Variants in NCKAP5 observed in about 807,000 individuals in gnomAD.
The protein encoded by NCKAP5 is nck-associated protein 5.
NCKAP5 carries 92 observed loss-of-function variants against 167.0 expected under a neutral mutation model. The observed-to-expected ratio is 0.55, with a 90% CI of 0.47 to 0.66. The LOEUF (loss-of-function observed/expected upper bound fraction) is 0.66, where lower values mean the gene tolerates loss of function less well. NCKAP5 is among the 30% of genes least tolerant of loss of function. NCKAP5 has a pLI of 0.00. For synonymous variants in NCKAP5, 891 were observed against 877.4 expected (o/e 1.02, Z -0.27); for missense variants, 2,378 against 2,315.0 (o/e 1.03, Z -0.56).
chr2:133,416,442 C>T (rs900783975), intron 3 of NCKAP5, among the ~76,000 whole-genome samples: 5 of 152,138 alleles, frequency 3.3e-5, no homozygotes, highest in African/African-American at 1.2e-4. Flanking sequence ...AAACTACCTT[C>T]ATGATTTCTG....
chr2:133,148,420 C>T (rs554071637), intron 5 of NCKAP5, among the ~76,000 whole-genome samples: 6 of 152,098 alleles, frequency 3.9e-5, no homozygotes, highest in Non-Finnish European at 8.8e-5. Flanking sequence ...TTACACATTT[C>T]ACACTCTTAA....
chr2:133,555,008 C>T (rs1687637477), intron 2 of NCKAP5, among the ~76,000 whole-genome samples: 1 of 152,060 alleles, frequency 6.6e-6, no homozygotes, highest in Admixed American at 6.6e-5. Flanking sequence ...GTTATTTGGC[C>T]ACCTCCCTGT....
chr2:133,637,476 C>CAAAAAAAAAAAAAAAAAAAAAA, the NCKAP5 span, among the ~76,000 whole-genome samples: 7 of 31,668 alleles, frequency 2.2e-4, no homozygotes, highest in African/African-American at 1.1e-3. Flanking sequence ...TGGTATTTTC[C>CAAAAAAAAAAAAAAAAAAAAAA]AAAAAAAAAA....
At chr2:133,372,275 T>C (rs1216122916) in intron 3 of NCKAP5, among the ~76,000 whole-genome samples, 1 of 152,146 alleles carries the variant, frequency 6.6e-6, no homozygotes, top group African/African-American at 2.4e-5. Context: ...GGGTCTGCCT[T>C]GAAGGTTTCA....
chr2:132,953,379 A>G (rs939149812), intron 8 of NCKAP5, among the ~76,000 whole-genome samples: 4 of 152,194 alleles, frequency 2.6e-5, no homozygotes, highest in Non-Finnish European at 5.9e-5. Flanking sequence ...TCCAAAACTA[A>G]TTCAGTTAGA....
At chr2:133,334,580 T>G (rs978501600) in intron 3 of NCKAP5, among the ~76,000 whole-genome samples, 4 of 152,172 alleles carry the variant, frequency 2.6e-5, no homozygotes, top group African/African-American at 4.8e-5. Flanking sequence ...TCATGCTCCT[T>G]CTGTCCCTCA....
chr2:133,613,948 A>T, the NCKAP5 span, among the ~76,000 whole-genome samples: 1 of 152,172 alleles, frequency 6.6e-6, no homozygotes, highest in Non-Finnish European at 1.5e-5. Context: ...GAGAGCATTC[A>T]AAGAATCTTC....
At chr2:132,873,744 G>A (rs1370313328) in intron 9 of NCKAP5, among the ~76,000 whole-genome samples, 3 of 152,090 alleles carry the variant, frequency 2.0e-5, no homozygotes, top group East Asian at 3.9e-4. Flanking sequence ...ATTAATCTTT[G>A]GATTATTACT....
chr2:133,442,097 G>A (rs1690896268), intron 3 of NCKAP5, among the ~76,000 whole-genome samples: 3 of 152,190 alleles, frequency 2.0e-5, no homozygotes, highest in Admixed American at 6.5e-5. Flanking sequence ...AGAACAGCAA[G>A]TTGCCAGAGG....
intron 2 of NCKAP5, among the ~76,000 whole-genome samples, chr2:133,532,498 T>C (rs1433895906): frequency 2.0e-5 from 3 of 152,162 alleles, no homozygotes; most frequent in Non-Finnish European, 4.4e-5. Context: ...TTATTGAAAA[T>C]AAATGCTCGG....
chr2:133,036,341 C>T (rs578163330), intron 6 of NCKAP5, among the ~76,000 whole-genome samples: 13 of 151,986 alleles, frequency 8.6e-5, no homozygotes, highest in Non-Finnish European at 1.5e-4. Context: ...GTATTACCCT[C>T]ATACAAAAAC....
At chr2:133,307,851 AT>A (rs761968784) in intron 3 of NCKAP5, among the ~76,000 whole-genome samples, 4 of 152,174 alleles carry the variant, frequency 2.6e-5, no homozygotes, top group African/African-American at 7.2e-5. Context: ...GAATAAAAAA[AT>A]ATGGAATTCA....
intron 4 of NCKAP5, among the ~76,000 whole-genome samples, chr2:133,229,513 T>C (rs1159882592): frequency 2.0e-5 from 3 of 152,228 alleles, no homozygotes; most frequent in African/African-American, 4.8e-5. Context: ...ATAATGATAA[T>C]GATGAACACT....
At chr2:133,481,126 T>C (rs1019313158) in intron 3 of NCKAP5, among the ~76,000 whole-genome samples, 3 of 152,232 alleles carry the variant, frequency 2.0e-5, no homozygotes, top group Non-Finnish European at 4.4e-5. Flanking sequence ...AGTGTGGCTA[T>C]TGCTTTGGAT....
intron 2 of NCKAP5, among the ~76,000 whole-genome samples, chr2:133,530,492 A>C (rs35106467): frequency 0.24 from 35,803 of 152,104 alleles, 4,828 homozygotes; most frequent in Non-Finnish European, 0.29. Context: ...ATTGAATTTA[A>C]ATTTACAGAT....
At chr2:132,947,246 TA>T (rs1264186662) in intron 8 of NCKAP5, among the ~76,000 whole-genome samples, 4 of 152,136 alleles carry the variant, frequency 2.6e-5, no homozygotes, top group Admixed American at 1.3e-4. Context: ...TTTTGGGTAC[TA>T]AAAAAAGTTA....
intron 3 of NCKAP5, among the ~76,000 whole-genome samples, chr2:133,305,139 C>CA (rs1680688531): frequency 6.6e-6 from 1 of 152,168 alleles, no homozygotes; most frequent in Admixed American, 6.5e-5. Context: ...TGAAGTTGGA[C>CA]AGTTAGGCAG....
At chr2:133,047,911 C>T (rs72996884) in intron 6 of NCKAP5, among the ~76,000 whole-genome samples, 5,933 of 152,284 alleles carry the variant, frequency 0.039, 371 homozygotes, top group African/African-American at 0.13. Context: ...TGAAGCCCCA[C>T]ATTCAAAAGC....
At chr2:133,374,090 C>A (rs1342021253) in intron 3 of NCKAP5, among the ~76,000 whole-genome samples, 2 of 152,136 alleles carry the variant, frequency 1.3e-5, no homozygotes, top group Non-Finnish European at 2.9e-5. Context: ...TCATAATTGC[C>A]AAAACTTGGA....
Sources: gnomAD v4.1 joint callset for allele counts (sites outside exome capture counted in the v4.1 genomes callset) on GRCh38, gnomAD v4.1.1 for gene constraint, MANE v1.5 for transcripts, NCBI Gene and HGNC (gene_info 2026-07-23, HGNC 2026-07-21) for gene names.